ZFAND3: variants seen among roughly 807,000 people sequenced by gnomAD.
ZFAND3 encodes the protein AN1-type zinc finger protein 3.
In ZFAND3, 10 loss-of-function variants were observed where a neutral mutation model predicts 29.6. The observed-to-expected ratio is 0.34, with a 90% CI of 0.21 to 0.57. ZFAND3 has a LOEUF of 0.57. ZFAND3 is among the 20% of genes least tolerant of loss of function. The probability of loss-of-function intolerance (pLI) is 0.86; values close to 1 mark genes in which losing one functional copy is unlikely to be tolerated. For synonymous variants in ZFAND3, 128 were observed against 112.6 expected (o/e 1.14, Z -0.87); for missense variants, 230 against 304.5 (o/e 0.76, Z 1.82).
chr6:38,131,363 C>T (rs1475519057), intron 5 of ZFAND3, among the ~76,000 whole-genome samples: 2 of 152,144 alleles, frequency 1.3e-5, no homozygotes, highest in East Asian at 3.9e-4. Flanking sequence ...AGGAGTACTT[C>T]TAAGAAGTGT....
chr6:38,043,354 A>T (rs571277999), intron 2 of ZFAND3, among the ~76,000 whole-genome samples: 4 of 150,346 alleles, frequency 2.7e-5, no homozygotes, highest in Non-Finnish European at 5.9e-5. Context: ...AAGAACTCGT[A>T]GTAGATTTTT....
chr6:37,906,120 G>C (rs1279263587), intron 1 of ZFAND3, among the ~76,000 whole-genome samples: 3 of 152,094 alleles, frequency 2.0e-5, no homozygotes, highest in Non-Finnish European at 4.4e-5. Flanking sequence ...TACAGTCAGT[G>C]TTATGCAGTC....
chr6:37,874,711 G>A (rs1317167762), intron 1 of ZFAND3, among the ~76,000 whole-genome samples: 5 of 151,978 alleles, frequency 3.3e-5, no homozygotes, highest in Non-Finnish European at 5.9e-5. Context: ...GGGTAGGGGA[G>A]GGACACAATT....
intron 5 of ZFAND3, among the ~76,000 whole-genome samples, chr6:38,122,883 A>G (rs1436617100): frequency 6.6e-6 from 1 of 152,216 alleles, no homozygotes; most frequent in Non-Finnish European, 1.5e-5. Context: ...ATTGGGACTC[A>G]GATATGGGAA....
chr6:38,134,249 G>C (rs1765799718), intron 5 of ZFAND3, among the ~76,000 whole-genome samples: 3 of 152,154 alleles, frequency 2.0e-5, no homozygotes, highest in Admixed American at 2.0e-4. Flanking sequence ...CCGTTCTCCT[G>C]AGTGCTAATT....
chr6:38,058,447 C>T (rs1764173549), intron 2 of ZFAND3, among the ~76,000 whole-genome samples: 2 of 152,162 alleles, frequency 1.3e-5, no homozygotes, highest in Non-Finnish European at 2.9e-5. Flanking sequence ...AGGTGCTATA[C>T]AAATAACACT....
At chr6:37,926,501 C>T (rs1382347075) in intron 1 of ZFAND3, among the ~76,000 whole-genome samples, 1 of 152,150 alleles carries the variant, frequency 6.6e-6, no homozygotes, top group African/African-American at 2.4e-5. Flanking sequence ...TTGCTACTCC[C>T]TTGCAAAAAT....
chr6:37,853,453 G>C (rs1434599295), intron 1 of ZFAND3, among the ~76,000 whole-genome samples: 1 of 148,134 alleles, frequency 6.8e-6, no homozygotes, highest in East Asian at 1.9e-4. Flanking sequence ...ACTCATTCTT[G>C]CTCTTTGGTG....
intron 1 of ZFAND3, among the ~76,000 whole-genome samples, chr6:37,862,117 TA>T: frequency 8.6e-6 from 1 of 116,732 alleles, no homozygotes; most frequent in African/African-American, 4.9e-5. Flanking sequence ...TTTACTTTTT[TA>T]TATGTTTACT....
intron 1 of ZFAND3, among the ~76,000 whole-genome samples, chr6:37,863,897 A>T (rs988752074): frequency 2.6e-5 from 4 of 152,232 alleles, no homozygotes; most frequent in African/African-American, 9.6e-5. Flanking sequence ...GCAATTAAAT[A>T]GAGCTCAAAT....
At chr6:37,835,601 A>T (rs1763953252) in intron 1 of ZFAND3, among the ~76,000 whole-genome samples, 1 of 151,984 alleles carries the variant, frequency 6.6e-6, no homozygotes, top group Non-Finnish European at 1.5e-5. Context: ...GTGGTAAAAA[A>T]TTTAAACACA....
At chr6:37,950,070 T>A (rs1761969373) in intron 2 of ZFAND3, among the ~76,000 whole-genome samples, 2 of 152,226 alleles carry the variant, frequency 1.3e-5, no homozygotes, top group Admixed American at 6.5e-5. Context: ...TTTCTCCCAT[T>A]CTGTAGGTTG....
chr6:38,034,024 A>G (rs950186570), intron 2 of ZFAND3, among the ~76,000 whole-genome samples: 2 of 152,184 alleles, frequency 1.3e-5, no homozygotes, highest in African/African-American at 2.4e-5. Context: ...TAGCTTGTGC[A>G]TTGATTTTCT....
intron 4 of ZFAND3, among the ~76,000 whole-genome samples, chr6:38,111,431 T>C (rs1403363933): frequency 6.6e-6 from 1 of 152,200 alleles, no homozygotes; most frequent in East Asian, 1.9e-4. Flanking sequence ...TAAAGTACAG[T>C]TGATGCTTGA....
intron 3 of ZFAND3, among the ~76,000 whole-genome samples, chr6:38,078,649 A>G (rs1431048761): frequency 6.6e-6 from 1 of 152,208 alleles, no homozygotes; most frequent in Non-Finnish European, 1.5e-5. Context: ...CCACTGATAC[A>G]GGCTAGAAGA....
At chr6:38,038,102 G>C (rs2842501) in intron 2 of ZFAND3, among the ~76,000 whole-genome samples, 144,976 of 152,266 alleles carry the variant, frequency 0.95, 69,345 homozygotes, top group East Asian at 1. Context: ...CAGGGCTGCT[G>C]TGCGGCCCAG....
At chr6:38,070,777 T>A (rs1764439246) in intron 3 of ZFAND3, among the ~76,000 whole-genome samples, 1 of 152,176 alleles carries the variant, frequency 6.6e-6, no homozygotes. Context: ...AATGACTGTA[T>A]GACTTTATAT....
intron 1 of ZFAND3, among the ~76,000 whole-genome samples, chr6:37,893,684 G>A (rs1157945776): frequency 6.6e-6 from 1 of 152,110 alleles, no homozygotes; most frequent in South Asian, 2.1e-4. Flanking sequence ...CTCCTGAGTA[G>A]CTGGGATTAC....
chr6:37,848,078 C>G (rs1764214706), intron 1 of ZFAND3, among the ~76,000 whole-genome samples: 1 of 152,192 alleles, frequency 6.6e-6, no homozygotes. Context: ...CAGTGATGAT[C>G]CCTTTTAGAT....
Sources: allele counts gnomAD v4.1 joint callset (sites outside exome capture counted in the v4.1 genomes callset), GRCh38; gene constraint gnomAD v4.1.1; transcripts MANE v1.5; gene names NCBI Gene and HGNC (gene_info 2026-07-23, HGNC 2026-07-21).